The following DCDC1 variants were observed in gnomAD, a reference collection of about 807,000 sequenced individuals.
The protein encoded by DCDC1 is doublecortin domain-containing protein 1.
Under a neutral mutation model 178.3 loss-of-function variants are expected in DCDC1, and 200 were observed. That is an observed-to-expected ratio of 1.12 (90% CI 1.00 to 1.26). The LOEUF (loss-of-function observed/expected upper bound fraction) is 1.26. DCDC1 is among the 50% of genes most tolerant of loss of function. The probability of loss-of-function intolerance (pLI) is 0.00; values close to 1 mark genes in which losing one functional copy is unlikely to be tolerated. For missense variants in DCDC1, 1,983 were observed against 1,749.2 expected (o/e 1.13, Z -2.38); for synonymous variants, 690 against 604.8 (o/e 1.14, Z -2.07).
At position 31,324,165 on chromosome 11, in the gene DCDC1, T is replaced by A. The variant is rs574556125; in HGVS notation, c.164+3952A>T. 2.0e-5 allele frequency among the ~76,000 whole-genome samples: 3 copies of A among 152,204 alleles called. No homozygotes were observed. The East Asian group carries it at 5.8e-4, about 29-fold the overall frequency. On this transcript the variant is annotated intron_variant, in intron 3 of 38. Transcript: ENST00000684477. ...CGTTATGTTCAAACTACATATATACTACATAGAATATATTCAATAAGTGTT... is the reference window on the plus strand; with the variant it reads ...CGTTATGTTCAAACTACATATATACAACATAGAATATATTCAATAAGTGTT...
intron 30 of DCDC1, among the ~76,000 whole-genome samples, chr11:30,906,109 C>G (rs796448607): frequency 6.6e-6 from 1 of 151,998 alleles, no homozygotes; most frequent in Non-Finnish European, 1.5e-5. Flanking sequence ...TAGACATAGA[C>G]GTGTGAATTC....
intron 21 of DCDC1, among the ~76,000 whole-genome samples, chr11:30,947,627 G>T (rs1399639399): frequency 6.6e-6 from 1 of 152,056 alleles, no homozygotes; most frequent in East Asian, 1.9e-4. Context: ...AAAACATTAA[G>T]AAGTAACTTC....
intron 20 of DCDC1, among the ~76,000 whole-genome samples, chr11:30,972,102 G>A (rs953507784): frequency 6.6e-6 from 1 of 152,138 alleles, no homozygotes; most frequent in African/African-American, 2.4e-5. Flanking sequence ...TCCAGCAAGA[G>A]ATTTAGACAT....
chr11:31,146,468 C>T (rs1964468742), intron 9 of DCDC1, among the ~76,000 whole-genome samples: 1 of 152,110 alleles, frequency 6.6e-6, no homozygotes, highest in Admixed American at 6.5e-5. Context: ...TAAGGTGCAA[C>T]ATGGAAGAAG....
chr11:31,305,563 C>T, intron 6 of DCDC1, 52 bp downstream of exon 6: 2 of 1,588,776 alleles, frequency 1.3e-6, no homozygotes, highest in South Asian at 1.1e-5. Context: ...AATTGCACCC[C>T]TTAAGCAATT....
intron 20 of DCDC1, among the ~76,000 whole-genome samples, chr11:30,991,781 AAGTAACATGGGT>A (rs1282727404): frequency 2.0e-5 from 3 of 152,222 alleles, no homozygotes; most frequent in African/African-American, 7.2e-5. Context: ...AAATTTTTTT[AAGTAACATGGGT>A]AGCAAATTGC....
chr11:31,215,005 T>C (rs1460473269), intron 9 of DCDC1, among the ~76,000 whole-genome samples: 1 of 151,954 alleles, frequency 6.6e-6, no homozygotes, highest in Non-Finnish European at 1.5e-5. Context: ...AATAGTTACA[T>C]ATTAAACTGA....
chr11:31,030,171 T>C (rs904784863), intron 20 of DCDC1, among the ~76,000 whole-genome samples: 6 of 151,890 alleles, frequency 4.0e-5, no homozygotes, highest in African/African-American at 1.5e-4. Flanking sequence ...GAACTGCTTA[T>C]CTTTCATAGG....
chr11:31,130,332 C>CTA (rs1350497044), intron 10 of DCDC1, among the ~76,000 whole-genome samples: 2 of 152,072 alleles, frequency 1.3e-5, no homozygotes, highest in Non-Finnish European at 2.9e-5. Context: ...ATCAGAATTC[C>CTA]TATGTGATTT....
chr11:30,879,387 T>C (rs1240837642), intron 37 of DCDC1, among the ~76,000 whole-genome samples: 4 of 152,178 alleles, frequency 2.6e-5, no homozygotes, highest in Non-Finnish European at 5.9e-5. Flanking sequence ...TTTAGATTTC[T>C]AATAAATGAG....
In DCDC1 at chr11:30,916,965, C is replaced by G; in HGVS notation, c.3357G>C (p.Trp1119Cys). 1 of 1,611,148 alleles carries G rather than the reference C, an allele frequency of 6.2e-7. No homozygotes were observed. Among genetic ancestry groups the G allele is most frequent in the Non-Finnish European group, 8.5e-7 (1 of 1,178,620 alleles). Residue 1119 changes from tryptophan to cysteine, a missense_variant, in exon 26 of 39, where the codon TGG (tryptophan) becomes TGC (cysteine). Physicochemically the swap from Trp to Cys is radical, Grantham distance 215. Coordinates refer to ENST00000684477, the MANE Select transcript of DCDC1 (RefSeq NM_001387274.1). Reference protein sequence around the residue: ...KACHTLPRYAWQETSHDFDED... With the variant: ...KACHTLPRYACQETSHDFDED... ...CATCAAAGTCATGTGAAGTTTCCTG[C>G]CAGGCATACCTGGGAAGTGTGTGAC...
intron 20 of DCDC1, among the ~76,000 whole-genome samples, chr11:31,027,408 G>T (rs988264572): frequency 1.3e-5 from 2 of 151,846 alleles, no homozygotes; most frequent in Non-Finnish European, 3.0e-5. Flanking sequence ...TAAGTCGGCA[G>T]ATAGTTGACA....
rs147472755 is a variant in DCDC1, at chr11:31,305,712, G to A, written c.657C>T (p.Asp219=). ...CTTCAGGTTCGAGGGCTTCCTTGCC[G>A]TCTGCCAAGAACACTCGTCTTGCGG... ...NMAARRVFLA[D]GKEALEPEDI... The change falls in exon 6 of 39, where the codon GAC becomes GAT. Residue 219 remains aspartate, a synonymous_variant. Coordinates refer to ENST00000684477, the MANE Select transcript of DCDC1 (RefSeq NM_001387274.1). The A allele has an allele frequency of 2.7e-5, 44 of 1,613,662 alleles. No individual in the cohort carries two copies. The highest frequency in any genetic ancestry group is 5.0e-5 in the Admixed American group (3 of 59,956).
chr11:31,213,097 CA>C (rs1565441524), intron 9 of DCDC1, among the ~76,000 whole-genome samples: 9 of 120,446 alleles, frequency 7.5e-5, no homozygotes, highest in African/African-American at 2.5e-4. Context: ...ATATAAAGCC[CA>C]GCCTCTCTCT....
intron 20 of DCDC1, among the ~76,000 whole-genome samples, chr11:30,958,774 A>C (rs1426296322): frequency 6.6e-6 from 1 of 152,090 alleles, no homozygotes; most frequent in Admixed American, 6.6e-5. Context: ...ACTGATTTTC[A>C]CTGTGGTAAC....
In DCDC1 at chr11:30,881,230, G is replaced by C; in HGVS notation, c.5161C>G (p.Gln1721Glu). Residue 1721 changes from glutamine to glutamate, a missense_variant, in exon 37 of 39, where the codon CAG becomes GAG. By Grantham distance (29) the Gln-to-Glu change is conservative (BLOSUM62 2). Transcript: ENST00000684477. Reference sequence around the variant, plus strand: ...TCTCGCTCTATGTCGTCCCAGGACTGAATTGGCTCTCCACTGGGGGTGTAC... The same window carrying C: ...TCTCGCTCTATGTCGTCCCAGGACTCAATTGGCTCTCCACTGGGGGTGTAC... ...ALYTPSGEPI[Q>E]SWDDIERDMV... The C allele has an allele frequency of 6.2e-7, 1 of 1,613,570 alleles. No homozygotes were observed. Among genetic ancestry groups the C allele is most frequent in the Non-Finnish European group, 8.5e-7 (1 of 1,179,618 alleles).
chr11:31,099,277 C>T (rs559718183), intron 15 of DCDC1, among the ~76,000 whole-genome samples: 1 of 152,274 alleles, frequency 6.6e-6, no homozygotes, highest in African/African-American at 2.4e-5. Context: ...TGTCCTTTGC[C>T]TTTGAGAAAT....
chr11:31,120,376 C>T (rs1960618037), intron 11 of DCDC1, among the ~76,000 whole-genome samples: 1 of 152,084 alleles, frequency 6.6e-6, no homozygotes, highest in Non-Finnish European at 1.5e-5. Context: ...TAGAGTCATT[C>T]TAGGTCCTAA....
chr11:31,108,414 A>T (rs1370421514), intron 12 of DCDC1, among the ~76,000 whole-genome samples: 2 of 152,206 alleles, frequency 1.3e-5, no homozygotes, highest in Non-Finnish European at 2.9e-5. Flanking sequence ...TGTATTTCTA[A>T]AGCCCTACAT....
Sources: gnomAD v4.1 joint callset for allele counts (sites outside exome capture counted in the v4.1 genomes callset) on GRCh38, gnomAD v4.1.1 for gene constraint, MANE v1.5 for transcripts, NCBI Gene and HGNC (gene_info 2026-07-23, HGNC 2026-07-21) for gene names.